Variants in ZBED4 observed in about 807,000 individuals in gnomAD.
The protein encoded by ZBED4 is zinc finger BED domain-containing protein 4.
ZBED4 carries 4 observed loss-of-function variants against 15.5 expected under a neutral mutation model. The observed-to-expected ratio is 0.26, with a 90% CI of 0.13 to 0.59. The LOEUF (loss-of-function observed/expected upper bound fraction) is 0.59, where lower values mean the gene tolerates loss of function less well. Among genes scored for constraint, ZBED4 ranks in the 20% least tolerant of loss-of-function variants. ZBED4 has a pLI of 0.90. For synonymous variants in ZBED4, 692 were observed against 608.5 expected (o/e 1.14, Z -2.02); for missense variants, 1,323 against 1,461.8 (o/e 0.91, Z 1.55).
intron 1 of ZBED4, among the ~76,000 whole-genome samples, chr22:49,869,800 T>C (rs985949629): frequency 1.3e-5 from 2 of 152,162 alleles, no homozygotes; most frequent in African/African-American, 4.8e-5. Context: ...TTAAAAAGTT[T>C]TGTTTTTAAA....
At chr22:49,859,040 G>A (rs528699646) in intron 1 of ZBED4, among the ~76,000 whole-genome samples, 21 of 152,250 alleles carry the variant, frequency 1.4e-4, no homozygotes, top group African/African-American at 4.6e-4. Context: ...CACAGTTGGC[G>A]AGTTAGATGA....
At chr22:49,857,955 G>T (rs554960075) in intron 1 of ZBED4, among the ~76,000 whole-genome samples, 179 of 151,390 alleles carry the variant, frequency 1.2e-3, no homozygotes, top group Middle Eastern at 3.5e-3. Flanking sequence ...GTAGAGACGG[G>T]GTTTCACCAT....
intron 1 of ZBED4, among the ~76,000 whole-genome samples, chr22:49,869,904 C>T (rs576240132): frequency 9.8e-5 from 15 of 152,286 alleles, no homozygotes; most frequent in African/African-American, 2.2e-4. Context: ...TAAGAATGAT[C>T]GTCGCCCAGA....
chr22:49,874,944 A>T (rs956643169), intron 1 of ZBED4, among the ~76,000 whole-genome samples: 12 of 151,982 alleles, frequency 7.9e-5, no homozygotes, highest in Non-Finnish European at 1.6e-4. Context: ...TGGCCTCCCA[A>T]AGTGTTGGGA....
chr22:49,873,993 A>G (rs537509635), intron 1 of ZBED4, among the ~76,000 whole-genome samples: 1 of 152,338 alleles, frequency 6.6e-6, no homozygotes, highest in South Asian at 2.1e-4. Flanking sequence ...CGAGAACAAG[A>G]ATGAGCTTGA....
intron 1 of ZBED4, among the ~76,000 whole-genome samples, chr22:49,868,551 C>T (rs1354513971): frequency 6.6e-6 from 1 of 152,116 alleles, no homozygotes; most frequent in Non-Finnish European, 1.5e-5. Context: ...TGCACTCTAG[C>T]CTGGGCAACA....
Position 49,884,931 on chromosome 22 carries a change from C to T in ZBED4, c.1269C>T (p.Ala423=), listed in dbSNP as rs745593833. 35 of 1,606,528 alleles carry T rather than the reference C, an allele frequency of 2.2e-5. No homozygotes were observed. The highest frequency in any genetic ancestry group is 2.7e-5 in the Non-Finnish European group (32 of 1,175,922). The change falls in exon 2 of 2, where the codon GCC becomes GCT. Residue 423 remains alanine, a synonymous_variant. Transcript: ENST00000216268. ...AFSSSDDIGE[A]SASSPEKQQA... Reference sequence around the variant, plus strand: ...CATCTTCCGATGACATAGGGGAGGCCTCGGCGTCCTCTCCTGAGAAGCAGC... The same window carrying T: ...CATCTTCCGATGACATAGGGGAGGCTTCGGCGTCCTCTCCTGAGAAGCAGC...
intron 1 of ZBED4, among the ~76,000 whole-genome samples, chr22:49,881,727 C>T (rs1197128017): frequency 6.6e-6 from 1 of 152,084 alleles, no homozygotes; most frequent in Non-Finnish European, 1.5e-5. Flanking sequence ...AGAACAGGGT[C>T]TTGTTTTTTT....
At position 49,884,738 on chromosome 22, in the gene ZBED4, T is replaced by G. The variant is rs1400655027; in HGVS notation, c.1076T>G (p.Leu359Arg). The change falls in exon 2 of 2, where the codon CTG (leucine) becomes CGG (arginine). Residue 359 changes from leucine to arginine, a missense_variant. Physicochemically the swap from Leu to Arg is moderately radical, Grantham distance 102 (BLOSUM62 -2). This residue lies in a region of ZBED4 where 429 missense variants were observed against 397.9 expected (regional missense o/e 1.08). Transcript: ENST00000216268. ...CTGTACTCCACCCCTCCCACTCTGC[T>G]GCCTTCCTTGCTGCCGCCGGAGGGG... Reference protein sequence around the residue: ...PPLYSTPPTLLPSLLPPEGEL... With the variant: ...PPLYSTPPTLRPSLLPPEGEL... 1 of 1,593,078 alleles carries G rather than the reference T, an allele frequency of 6.3e-7. No individual in the cohort carries two copies. The highest frequency in any genetic ancestry group is 8.6e-7 in the Non-Finnish European group (1 of 1,167,292).
chr22:49,870,693 C>T (rs2060342496), intron 1 of ZBED4, among the ~76,000 whole-genome samples: 1 of 151,930 alleles, frequency 6.6e-6, no homozygotes, highest in Non-Finnish European at 1.5e-5. Context: ...TGTTAAGCTT[C>T]TTATAGATTC....
intron 1 of ZBED4, among the ~76,000 whole-genome samples, chr22:49,871,050 C>T (rs1765346599): frequency 6.6e-6 from 1 of 151,370 alleles, no homozygotes; most frequent in South Asian, 2.1e-4. Flanking sequence ...AAGCAATTCT[C>T]ATGCCTCAGC....
chr22:49,854,519 AT>A (rs2060266667), intron 1 of ZBED4, among the ~76,000 whole-genome samples: 1 of 152,222 alleles, frequency 6.6e-6, no homozygotes, highest in African/African-American at 2.4e-5. Flanking sequence ...GACCGTTCAC[AT>A]TTAATGAATA....
At chr22:49,856,034 G>A (rs1224976910) in intron 1 of ZBED4, among the ~76,000 whole-genome samples, 1 of 152,200 alleles carries the variant, frequency 6.6e-6, no homozygotes, top group East Asian at 1.9e-4. Flanking sequence ...CAAGGATTCG[G>A]GCCTCTCTGC....
intron 1 of ZBED4, among the ~76,000 whole-genome samples, chr22:49,880,935 C>T (rs1002405701): frequency 2.6e-5 from 4 of 152,162 alleles, no homozygotes; most frequent in African/African-American, 9.7e-5. Flanking sequence ...TACAGGTCTT[C>T]TTTTTAAGAC....
intron 1 of ZBED4, among the ~76,000 whole-genome samples, chr22:49,867,641 C>A (rs553999668): frequency 1.3e-5 from 2 of 152,198 alleles, no homozygotes; most frequent in Non-Finnish European, 2.9e-5. Flanking sequence ...GTGGGCCGTC[C>A]AGTGATACCT....
chr22:49,877,983 T>C (rs4824110), intron 1 of ZBED4, among the ~76,000 whole-genome samples: 1 of 152,046 alleles, frequency 6.6e-6, no homozygotes, highest in Non-Finnish European at 1.5e-5. Context: ...ATACTACATA[T>C]AAAGCTGCTG....
chr22:49,867,518 G>A (rs1415175736), intron 1 of ZBED4, among the ~76,000 whole-genome samples: 1 of 152,194 alleles, frequency 6.6e-6, no homozygotes, highest in Non-Finnish European at 1.5e-5. Flanking sequence ...GGGAGTTTTT[G>A]CCCCAGAAAG....
Position 49,855,210 on chromosome 22 carries a change from A to G in ZBED4, c.-330+1221A>G, listed in dbSNP as rs561580157. On this transcript the variant is annotated intron_variant, in intron 1 of 1. Transcript: ENST00000216268. ...TTGGCTTTTTTTCAAGAAAAGATCTAGCACAAGTTAAGAGAGATTCTGTGA... is the reference window on the plus strand; with the variant it reads ...TTGGCTTTTTTTCAAGAAAAGATCTGGCACAAGTTAAGAGAGATTCTGTGA... Among the ~76,000 whole-genome samples, 4 of 152,272 alleles carry G rather than the reference A, an allele frequency of 2.6e-5. No individual in the cohort carries two copies. In the South Asian group the frequency reaches 8.3e-4, roughly 32 times the overall value.
At chr22:49,858,884 T>A (rs1206998837) in intron 1 of ZBED4, among the ~76,000 whole-genome samples, 3 of 152,170 alleles carry the variant, frequency 2.0e-5, no homozygotes, top group African/African-American at 7.2e-5. Context: ...GAGCACCCCC[T>A]GTGATCTGGC....
Sources: allele counts gnomAD v4.1 joint callset (sites outside exome capture counted in the v4.1 genomes callset), GRCh38; gene constraint gnomAD v4.1.1; regional missense constraint gnomAD v4.1.1; transcripts MANE v1.5; gene names NCBI Gene and HGNC (gene_info 2026-07-23, HGNC 2026-07-21).